ZNF536: variants seen among roughly 807,000 people sequenced by gnomAD.
The protein encoded by ZNF536 is zinc finger protein 536.
A neutral mutation model predicts 84.5 loss-of-function variants in ZNF536; 13 were observed. The ratio of observed to expected loss-of-function variants is 0.15; its 90% CI spans 0.10 to 0.24. ZNF536 has a LOEUF of 0.24. Ranked by LOEUF, ZNF536 falls within the 10% of genes least tolerant of loss-of-function variation. The pLI, the probability that ZNF536 is intolerant of heterozygous loss-of-function variation, is 1.00. For missense variants in ZNF536, 1,536 were observed against 1,747.5 expected, an observed-to-expected ratio of 0.88 and a Z score of 2.16; for synonymous variants, 811 against 742.5, an observed-to-expected ratio of 1.09 and a Z score of -1.50.
intron 2 of ZNF536, among the ~76,000 whole-genome samples, chr19:30,489,775 C>G (rs901148137): frequency 1.3e-5 from 2 of 152,210 alleles, no homozygotes; most frequent in Admixed American, 6.5e-5. Flanking sequence ...GTAGTAGAAT[C>G]TGAAGTTATT....
At chr19:30,476,647 G>A (rs1327124106) in intron 2 of ZNF536, among the ~76,000 whole-genome samples, 2 of 152,194 alleles carry the variant, frequency 1.3e-5, no homozygotes, top group East Asian at 1.9e-4. Context: ...TCCCTCTGTG[G>A]CTCACGGCCG....
intron 1 of ZNF536, among the ~76,000 whole-genome samples, chr19:30,700,178 T>C (rs1364494605): frequency 7.1e-6 from 1 of 141,222 alleles, no homozygotes; most frequent in African/African-American, 2.7e-5. Context: ...TTTCCTTCTT[T>C]CTTTTCTTTC....
intron 1 of ZNF536, among the ~76,000 whole-genome samples, chr19:30,571,856 G>A (rs1357305557): frequency 6.6e-6 from 1 of 152,192 alleles, no homozygotes; most frequent in African/African-American, 2.4e-5. Context: ...ATCAGAGATA[G>A]AAGTCATCTT....
At position 30,425,636 on chromosome 19, in the gene ZNF536, G is replaced by A. The variant is rs117120951; in HGVS notation, c.-2-17925G>A. Among the ~76,000 whole-genome samples the A allele has an allele frequency of 2.7e-3, 404 of 152,236 alleles. 1 individual carries two copies. The highest frequency in any genetic ancestry group is 4.6e-3 in the Admixed American group (70 of 15,286). ...AGCTGCCACAGCTCCAGATCTTACTGAGAGTGTCTGAACCATCCTTGTAGC... is the reference window on the plus strand; with the variant it reads ...AGCTGCCACAGCTCCAGATCTTACTAAGAGTGTCTGAACCATCCTTGTAGC... On this transcript the variant is annotated intron_variant, in intron 1 of 4. Coordinates refer to ENST00000355537, the MANE Select transcript of ZNF536 (RefSeq NM_014717.3).
intron 2 of ZNF536, among the ~76,000 whole-genome samples, chr19:30,328,251 G>A (rs945798668): frequency 1.3e-5 from 2 of 152,194 alleles, no homozygotes; most frequent in African/African-American, 2.4e-5. Flanking sequence ...AGTGAGCAGA[G>A]AAAGACTTGG....
chr19:30,611,763 T>C (rs2048113340), intron 1 of ZNF536, among the ~76,000 whole-genome samples: 4 of 152,226 alleles, frequency 2.6e-5, no homozygotes, highest in Admixed American at 2.6e-4. Flanking sequence ...CTGACATTTT[T>C]CCAGTACTTA....
At chr19:30,356,675 A>G (rs557593491) in intron 3 of ZNF536, among the ~76,000 whole-genome samples, 4 of 152,238 alleles carry the variant, frequency 2.6e-5, no homozygotes, top group Admixed American at 2.6e-4. Context: ...CACGGTGGAC[A>G]CTTTCCCAGG....
intron 2 of ZNF536, among the ~76,000 whole-genome samples, chr19:30,290,290 AT>A (rs2045792096): frequency 6.6e-6 from 1 of 151,972 alleles, no homozygotes; most frequent in Non-Finnish European, 1.5e-5. Flanking sequence ...CTTTTCTTTT[AT>A]TTTGGGACAG....
chr19:30,550,921 G>A lies in ZNF536; in HGVS notation c.3895+1407G>A, dbSNP rs1414351233. ...AAGGCCCCATTAACCACTACCCCCA[G>A]ATCTATTTTTAGCCACATACAATTC... On this transcript the variant is annotated intron_variant, in intron 4 of 4. Transcript: ENST00000355537. 2.0e-5 allele frequency among the ~76,000 whole-genome samples: 3 copies of A among 152,030 alleles called. No individual in the cohort carries two copies. The East Asian group carries it at 5.8e-4, about 29-fold the overall frequency.
rs1217187357 is a variant in ZNF536 at position 30,228,849 on chromosome 19, AC to A, written c.-190+177del. 6.7e-6 allele frequency: 1 copy of A among 148,952 alleles called. No individual in the cohort carries two copies. Among genetic ancestry groups the A allele is most frequent in the Non-Finnish European group, 1.5e-5 (1 of 67,310 alleles). The allele number at this position is 148,952 out of a possible 1,614,324, so 9.2% of individuals were successfully genotyped here. A position where few individuals can be genotyped will look rare whatever the true frequency, so the allele number is the denominator to read the frequency against. The stretch of plus-strand genomic sequence containing the variant: ...GACTGCCCGGCTGGCTGCTCGCACA[AC>A]TTTTTTTTTTTCCCCCGTCTGCTGA... On this transcript the variant is annotated intron_variant, in intron 1 of 5. Coordinates refer to the ZNF536 transcript ENST00000585628. The surrounding 1 kb of genome is among the most constrained non-coding windows in gnomAD (Gnocchi z 4.5).
At chr19:30,571,104 C>G (rs924623376) in intron 1 of ZNF536, among the ~76,000 whole-genome samples, 1 of 152,142 alleles carries the variant, frequency 6.6e-6, no homozygotes, top group East Asian at 1.9e-4. Context: ...ACATTTTATC[C>G]CCTTTTTTTT....
At chr19:30,474,961 C>T (rs913856533) in intron 2 of ZNF536, among the ~76,000 whole-genome samples, 2 of 150,456 alleles carry the variant, frequency 1.3e-5, no homozygotes, top group Non-Finnish European at 3.0e-5. Context: ...CCTTCCCTTC[C>T]TCTCTCTCTC....
At chr19:30,660,517 C>T (rs112167291) in intron 1 of ZNF536, among the ~76,000 whole-genome samples, 4,603 of 152,042 alleles carry the variant, frequency 0.03, 226 homozygotes, top group African/African-American at 0.1. Flanking sequence ...ACTTCAGGCC[C>T]CAAAATAAAT....
chr19:30,439,377 A>G (rs1229605217), intron 1 of ZNF536, among the ~76,000 whole-genome samples: 2 of 152,036 alleles, frequency 1.3e-5, no homozygotes. Flanking sequence ...TAAGGAATAA[A>G]CGCATTCTGG....
chr19:30,599,186 G>C (rs111067323), intron 1 of ZNF536, among the ~76,000 whole-genome samples: 91,413 of 91,562 alleles, frequency 1, 45,632 homozygotes, highest in East Asian at 1. Context: ...TCTCTGTCTC[G>C]TTTCCTCTCT....
chr19:30,602,577 G>A (rs10403405), intron 1 of ZNF536, among the ~76,000 whole-genome samples: 72 of 152,280 alleles, frequency 4.7e-4, no homozygotes, highest in Middle Eastern at 6.8e-3. Flanking sequence ...CAGTGATGCC[G>A]AAAGCTCAGG....
chr19:30,701,652 T>C (rs998780504), intron 1 of ZNF536, among the ~76,000 whole-genome samples: 4 of 152,232 alleles, frequency 2.6e-5, no homozygotes, highest in African/African-American at 9.6e-5. Context: ...CCCCTCTTTG[T>C]AGAGACTCTT....
At chr19:30,686,112 T>C (rs1488119754) in intron 1 of ZNF536, among the ~76,000 whole-genome samples, 1 of 152,178 alleles carries the variant, frequency 6.6e-6, no homozygotes, top group East Asian at 1.9e-4. Context: ...CGTTCTCAGC[T>C]TCTGCATTTA....
intron 1 of ZNF536, among the ~76,000 whole-genome samples, chr19:30,265,169 G>A (rs548137948): frequency 5.3e-5 from 8 of 152,040 alleles, no homozygotes; most frequent in African/African-American, 1.7e-4. Context: ...TATGTCCCTA[G>A]AAGACAGGGG....
Sources: allele counts gnomAD v4.1 joint callset (sites outside exome capture counted in the v4.1 genomes callset), GRCh38; gene constraint gnomAD v4.1.1; non-coding constraint Gnocchi (gnomAD v3.1); transcripts MANE v1.5; gene names NCBI Gene and HGNC (gene_info 2026-07-23, HGNC 2026-07-21).